Variants in GABBR2 observed in about 807,000 individuals in gnomAD.
GABBR2 encodes G-protein coupled receptor 51.
GABBR2 carries 23 observed loss-of-function variants against 105.6 expected under a neutral mutation model. The ratio of observed to expected loss-of-function variants is 0.22; its 90% CI spans 0.16 to 0.31. The LOEUF is 0.31. GABBR2 is among the 10% of genes least tolerant of loss of function. The pLI, the probability that GABBR2 is intolerant of heterozygous loss-of-function variation, is 1.00. For missense variants in GABBR2, 734 were observed against 1,245.5 expected, an observed-to-expected ratio of 0.59 and a Z score of 6.18; for synonymous variants, 478 against 499.7, an observed-to-expected ratio of 0.96 and a Z score of 0.58.
intron 12 of GABBR2, among the ~76,000 whole-genome samples, chr9:98,363,422 A>G (rs1234532410): frequency 6.6e-6 from 1 of 152,218 alleles, no homozygotes; most frequent in Non-Finnish European, 1.5e-5. Flanking sequence ...TATTATTCTT[A>G]TTTTATGGAT....
rs549612558 is a variant in GABBR2, at chr9:98,418,104, T to C, written c.1237-11963A>G. ...CACAAAAGGGGTGTTGGCCAGGAGA[T>C]AGCAGGTGCAACGAGCTCTTTCCCT... is the stretch of plus-strand genomic sequence containing the variant. On this transcript the variant is annotated intron_variant, in intron 7 of 18. Transcript: ENST00000259455. 2.4e-4 allele frequency among the ~76,000 whole-genome samples: 36 copies of C among 152,152 alleles called. No individual in the cohort carries two copies. In the South Asian group the frequency reaches 7.5e-3, roughly 32 times the overall value.
At chr9:98,349,349 G>GTTTTTTTTTTTTTTTT (rs1182072320) in intron 13 of GABBR2, among the ~76,000 whole-genome samples, 1 of 24,216 alleles carries the variant, frequency 4.1e-5, no homozygotes, top group Non-Finnish European at 8.1e-5. Flanking sequence ...TTGAAGTTTT[G>GTTTTTTTTTTTTTTTT]TTTTTTTTTT....
intron 16 of GABBR2, among the ~76,000 whole-genome samples, chr9:98,300,567 G>A (rs1830452715): frequency 6.6e-6 from 1 of 152,192 alleles, no homozygotes; most frequent in Non-Finnish European, 1.5e-5. Flanking sequence ...TTGAACATCT[G>A]TGATATTACC....
At chr9:98,577,894 C>A in intron 2 of GABBR2, 41 bp downstream of exon 2, 1 of 1,570,872 alleles carries the variant, frequency 6.4e-7, no homozygotes. Flanking sequence ...GAGGGCCAAC[C>A]AAAGACACCT....
chr9:98,573,951 G>A (rs1298547388), intron 2 of GABBR2, among the ~76,000 whole-genome samples: 1 of 152,214 alleles, frequency 6.6e-6, no homozygotes, highest in African/African-American at 2.4e-5. Flanking sequence ...CCCCTATTGG[G>A]AATGCAGGGT....
chr9:98,300,867 T>C (rs1830457805), intron 16 of GABBR2, among the ~76,000 whole-genome samples: 1 of 152,190 alleles, frequency 6.6e-6, no homozygotes, highest in South Asian at 2.1e-4. Context: ...TTGCTGGGTT[T>C]AGATCATGCA....
In GABBR2 at chr9:98,647,450, C is replaced by T. The variant is rs76577840; in HGVS notation, c.321+60967G>A. 5.7e-3 allele frequency among the ~76,000 whole-genome samples: 871 copies of T among 152,306 alleles called. 20 individuals are homozygous for T. The highest frequency in any genetic ancestry group is 0.057 in the East Asian group (295 of 5,172). ...TGTAGAGGGCTTTGGAAACAGATGG[C>T]CTCAAGTTTGATCTCAGCTCTACCT... is the stretch of plus-strand genomic sequence containing the variant. On this transcript the variant is annotated intron_variant, in intron 1 of 18. Coordinates refer to ENST00000259455, the MANE Select transcript of GABBR2 (RefSeq NM_005458.8).
Position 98,560,767 on chromosome 9 carries a change from A to C in GABBR2, c.459+17168T>G, listed in dbSNP as rs547472547. Reference sequence around the variant, plus strand: ...ATATATTATATTTAGTATTATATATATACTATATAGTAGTGTATATATATA... The same window carrying C: ...ATATATTATATTTAGTATTATATATCTACTATATAGTAGTGTATATATATA... On this transcript the variant is annotated intron_variant, in intron 2 of 18. Coordinates refer to ENST00000259455, the MANE Select transcript of GABBR2 (RefSeq NM_005458.8). Among the ~76,000 whole-genome samples the C allele has an allele frequency of 1.8e-3, 244 of 133,858 alleles. 1 individual carries two copies. The highest frequency in any genetic ancestry group is 6.5e-3 in the African/African-American group (240 of 37,072). 87.8% of individuals were successfully genotyped at this position (133,858 alleles called of 152,430 possible). A position where few individuals can be genotyped will look rare whatever the true frequency, so the allele number is the denominator to read the frequency against.
At chr9:98,460,561 A>C (rs1826406083) in intron 6 of GABBR2, among the ~76,000 whole-genome samples, 1 of 152,194 alleles carries the variant, frequency 6.6e-6, no homozygotes, top group Non-Finnish European at 1.5e-5. Flanking sequence ...CACAGCAGAA[A>C]GTAGATTAGT....
intron 14 of GABBR2, 30 bp downstream of exon 14, chr9:98,311,065 C>G: frequency 1.6e-6 from 2 of 1,233,386 alleles, no homozygotes; most frequent in Non-Finnish European, 2.4e-6. Context: ...AAGTGTCCCC[C>G]CTCAACACTG....
At chr9:98,643,181 G>A (rs1436643653) in intron 1 of GABBR2, among the ~76,000 whole-genome samples, 1 of 152,216 alleles carries the variant, frequency 6.6e-6, no homozygotes, top group African/African-American at 2.4e-5. Flanking sequence ...AGGGGAGAGG[G>A]AGCTGAGATA....
At chr9:98,351,418 G>GTT (rs34610245) in intron 13 of GABBR2, among the ~76,000 whole-genome samples, 99,188 of 151,738 alleles carry the variant, frequency 0.65, 33,116 homozygotes, top group Admixed American at 0.74. Context: ...CTACCAGTGA[G>GTT]TTATACTTTT....
intron 1 of GABBR2, among the ~76,000 whole-genome samples, chr9:98,596,393 A>C (rs1220285977): frequency 1.3e-5 from 2 of 152,180 alleles, no homozygotes; most frequent in African/African-American, 4.8e-5. Flanking sequence ...CAATGGGGGA[A>C]ATAAAGGCAG....
intron 1 of GABBR2, among the ~76,000 whole-genome samples, chr9:98,676,357 T>C (rs1452803044): frequency 6.6e-6 from 1 of 152,264 alleles, no homozygotes; most frequent in African/African-American, 2.4e-5. Context: ...TCCAGAACTA[T>C]AAGATAATAA....
chr9:98,322,606 CCCCCCATACCCGTCCAGCCTTGTT>C (rs1049360582), intron 13 of GABBR2, among the ~76,000 whole-genome samples: 6 of 32,556 alleles, frequency 1.8e-4, no homozygotes, highest in African/African-American at 1.0e-3. Context: ...ATGATCTGAC[CCCCCCATACCCGTCCAGCCTTGTT>C]CCCCATCCCC....
chr9:98,436,303 ACC>A lies in GABBR2; in HGVS notation c.1236+17676_1236+17677del, dbSNP rs60528691. On this transcript the variant is annotated intron_variant, in intron 7 of 18. Transcript: ENST00000259455. ...ACCATATATATATATATATATATATACCCATAAATATACCATATATATATATA... is the reference window on the plus strand; with the variant it reads ...ACCATATATATATATATATATATATACATAAATATACCATATATATATATA... Among the ~76,000 whole-genome samples the A allele has an allele frequency of 1.7e-4, 16 of 92,484 alleles. 2 individuals are homozygous for A. The highest frequency in any genetic ancestry group is 7.3e-4 in the South Asian group (2 of 2,754). The allele number at this position is 92,484 out of a possible 152,430, so 60.7% of individuals were successfully genotyped here.
intron 1 of GABBR2, among the ~76,000 whole-genome samples, chr9:98,665,402 C>G (rs774720845): frequency 1.3e-5 from 2 of 152,192 alleles, no homozygotes; most frequent in African/African-American, 4.8e-5. Context: ...ATATTTCATA[C>G]TTGGGAATAC....
intron 1 of GABBR2, among the ~76,000 whole-genome samples, chr9:98,608,302 C>A (rs1464180576): frequency 1.3e-5 from 2 of 152,152 alleles, no homozygotes; most frequent in East Asian, 3.8e-4. Flanking sequence ...GATTAAGATG[C>A]CGTCAATTGT....
intron 1 of GABBR2, among the ~76,000 whole-genome samples, chr9:98,697,922 C>T (rs1045319016): frequency 3.9e-5 from 6 of 152,212 alleles, no homozygotes; most frequent in Non-Finnish European, 8.8e-5. Flanking sequence ...CACTTACATC[C>T]CTGAAACAAC....
Sources: allele counts gnomAD v4.1 joint callset (sites outside exome capture counted in the v4.1 genomes callset), GRCh38; gene constraint gnomAD v4.1.1; transcripts MANE v1.5; gene names NCBI Gene and HGNC (gene_info 2026-07-23, HGNC 2026-07-21).